Variants in RPL26L1 observed in about 807,000 individuals in gnomAD.
RPL26L1 encodes ribosomal protein L26 like 1, also known as ribosomal protein uL24-like.
A neutral mutation model predicts 15.2 loss-of-function variants in RPL26L1; 8 were observed. The ratio of observed to expected loss-of-function variants is 0.53; its 90% CI spans 0.31 to 0.95. The LOEUF (loss-of-function observed/expected upper bound fraction) is 0.95. Among genes scored for constraint, RPL26L1 ranks in the 40% least tolerant of loss-of-function variants. The pLI, the probability that RPL26L1 is intolerant of heterozygous loss-of-function variation, is 0.05. For missense variants in RPL26L1, 146 were observed against 190.9 expected (o/e 0.76, Z 1.39); for synonymous variants, 51 against 65.9 (o/e 0.77, Z 1.09).
At chr5:172,962,705 A>T (rs1405094944) in intron 2 of RPL26L1, among the ~76,000 whole-genome samples, 1 of 149,230 alleles carries the variant, frequency 6.7e-6, no homozygotes, top group South Asian at 2.1e-4. Context: ...AGTCCCAACT[A>T]CTTGGGAGGC....
At chr5:172,954,489 G>T (rs1364883417), upstream of RPL26L1, among the ~76,000 whole-genome samples, 2 of 147,736 alleles carry the variant, frequency 1.4e-5, no homozygotes, top group African/African-American at 4.9e-5. Flanking sequence ...GCGGCGGGGG[G>T]GAAGTGGGGG....
At position 172,961,418 on chromosome 5, in the gene RPL26L1, C is replaced by T. The variant is rs532063461; in HGVS notation, c.168+1377C>T. 1.3e-3 allele frequency among the ~76,000 whole-genome samples: 193 copies of T among 152,254 alleles called. 1 individual carries two copies. The highest frequency in any genetic ancestry group is 4.5e-3 in the African/African-American group (186 of 41,548). ...TCATCTACCTTTAGCCCATTGATGCCTGGGGGAAATGCAGGCCCATTGTTA... is the reference window on the plus strand; with the variant it reads ...TCATCTACCTTTAGCCCATTGATGCTTGGGGGAAATGCAGGCCCATTGTTA... On this transcript the variant is annotated intron_variant, in intron 2 of 3. Coordinates refer to ENST00000265100, the MANE Select transcript of RPL26L1 (RefSeq NM_016093.4).
intron 3 of RPL26L1, 122 bp from the exon 4 acceptor site, chr5:172,969,291 C>T: frequency 2.0e-6 from 2 of 996,578 alleles, no homozygotes; most frequent in Non-Finnish European, 3.0e-6. Context: ...GTCTGTTTTC[C>T]TTCCAGAGTT....
chr5:172,958,264 C>CAAAAAAA (rs5873347), upstream of RPL26L1: 5 of 287,452 alleles, frequency 1.7e-5, no homozygotes, highest in South Asian at 5.1e-5. Flanking sequence ...AACTCTATCT[C>CAAAAAAA]AAAAAAAAAA....
chr5:172,966,295 C>T (rs1199977712), intron 2 of RPL26L1, among the ~76,000 whole-genome samples: 1 of 150,576 alleles, frequency 6.6e-6, no homozygotes, highest in Non-Finnish European at 1.5e-5. Context: ...AGGCGCATGC[C>T]ACCATGTCTG....
chr5:172,964,913 G>A (rs1397454844), intron 2 of RPL26L1, among the ~76,000 whole-genome samples: 1 of 152,216 alleles, frequency 6.6e-6, no homozygotes, highest in Non-Finnish European at 1.5e-5. Flanking sequence ...GCCTGGTGCA[G>A]TGGCTCACGC....
chr5:172,954,755 GA>G (rs1318084155), upstream of RPL26L1: 2 of 363,412 alleles, frequency 5.5e-6, no homozygotes, highest in East Asian at 1.5e-4. Context: ...GGTCATTGTC[GA>G]ATGTGTTTTA....
upstream of RPL26L1, chr5:172,959,325 A>G (rs1201464910): frequency 2.0e-6 from 2 of 997,664 alleles, no homozygotes; most frequent in African/African-American, 3.5e-5. Flanking sequence ...GGAATGAGGC[A>G]CTGAGATCCC....
chr5:172,958,407 C>G (rs1456179685), upstream of RPL26L1: 1 of 456,232 alleles, frequency 2.2e-6, no homozygotes, highest in Admixed American at 2.3e-5. Flanking sequence ...GACATCTTCC[C>G]TCTCTGAGTT....
upstream of RPL26L1, chr5:172,957,309 C>T (rs1011011157): frequency 6.6e-6 from 3 of 455,708 alleles, no homozygotes; most frequent in Non-Finnish European, 1.3e-5. Context: ...TTTACTGAAC[C>T]ACACAGCATG....
chr5:172,959,968 C>T lies in RPL26L1; in HGVS notation c.95C>T (p.Ser32Phe), dbSNP rs765721867. Residue 32 changes from serine (S) to phenylalanine (F), a missense_variant, in exon 2 of 4, where the codon TCC becomes TTC. Coordinates refer to ENST00000265100, the MANE Select transcript of RPL26L1 (RefSeq NM_016093.4). ...CACGTGCGCAGGAAGATCATGTCAT[C>T]CCCGCTCTCCAAGGAGCTGCGGCAG... Reference protein sequence around the residue: ...PSHVRRKIMSSPLSKELRQKY... With the variant: ...PSHVRRKIMSFPLSKELRQKY... 1.2e-6 allele frequency: 2 copies of T among 1,614,206 alleles called. No individual in the cohort carries two copies. The highest frequency in any genetic ancestry group is 2.2e-5 in the East Asian group (1 of 44,882).
chr5:172,954,483 CG>C (rs1235178567), upstream of RPL26L1, among the ~76,000 whole-genome samples: 34 of 3,620 alleles, frequency 9.4e-3, no homozygotes, highest in Admixed American at 0.045. Context: ...GCAGGGGCGG[CG>C]GGGGGGAAGT....
intron 2 of RPL26L1, among the ~76,000 whole-genome samples, chr5:172,967,894 A>G (rs966008855): frequency 6.6e-6 from 1 of 151,548 alleles, no homozygotes; most frequent in African/African-American, 2.4e-5. Flanking sequence ...GTATGTATAT[A>G]TGACATATAA....
intron 2 of RPL26L1, among the ~76,000 whole-genome samples, chr5:172,966,688 A>T (rs1755466826): frequency 6.6e-6 from 1 of 152,124 alleles, no homozygotes; most frequent in African/African-American, 2.4e-5. Flanking sequence ...CTGGTCATGT[A>T]GTCTGTGGTA....
In RPL26L1 at chr5:172,968,534, A is replaced by G. The variant is rs779713270; in HGVS notation, c.244A>G (p.Ile82Val). The G allele has an allele frequency of 1.9e-6, 3 of 1,614,146 alleles. No individual in the cohort carries two copies. The highest frequency in any genetic ancestry group is 2.5e-6 in the Non-Finnish European group (3 of 1,180,004). ...GTACAGAAAGAAATATGTCATCTACATCGAGCGGGTGCAGCGTGAGAAGGC... is the reference window on the plus strand; with the variant it reads ...GTACAGAAAGAAATATGTCATCTACGTCGAGCGGGTGCAGCGTGAGAAGGC... ...QVYRKKYVIY[I>V]ERVQREKANG... Residue 82 changes from isoleucine to valine, a missense_variant, in exon 3 of 4, where the codon ATC (isoleucine) becomes GTC (valine). Physicochemically the swap from Ile to Val is conservative, Grantham distance 29 (BLOSUM62 3). Transcript: ENST00000265100.
chr5:172,961,440 G>C (rs1225769534), intron 2 of RPL26L1, among the ~76,000 whole-genome samples: 1 of 152,156 alleles, frequency 6.6e-6, no homozygotes, highest in Non-Finnish European at 1.5e-5. Flanking sequence ...CAGGCCCATT[G>C]TTAGATTCTT....
chr5:172,959,282 G>C (rs1755119368), upstream of RPL26L1: 6 of 705,704 alleles, frequency 8.5e-6, no homozygotes, highest in Non-Finnish European at 8.8e-6. Context: ...GCAGGCCCTT[G>C]TACTCACTGG....
intron 2 of RPL26L1, among the ~76,000 whole-genome samples, chr5:172,967,192 T>C (rs1357518761): frequency 3.4e-5 from 5 of 148,004 alleles, no homozygotes; most frequent in Admixed American, 2.7e-4. Flanking sequence ...TGGCTGGGCA[T>C]GGTGGCTCAC....
chr5:172,960,437 C>G (rs1199681467), intron 2 of RPL26L1, among the ~76,000 whole-genome samples: 4 of 152,120 alleles, frequency 2.6e-5, no homozygotes. Context: ...TTGATTTAAC[C>G]TTCTGGCTGC....
Sources: allele counts gnomAD v4.1 joint callset (sites outside exome capture counted in the v4.1 genomes callset), GRCh38; gene constraint gnomAD v4.1.1; transcripts MANE v1.5; gene names NCBI Gene and HGNC (gene_info 2026-07-23, HGNC 2026-07-21).